Variants in SPOPL observed in about 807,000 individuals in gnomAD.
The protein encoded by SPOPL is speckle type BTB/POZ protein like, also known as speckle-type POZ protein-like.
SPOPL carries 23 observed loss-of-function variants against 53.8 expected under a neutral mutation model. The ratio of observed to expected loss-of-function variants is 0.43; its 90% confidence interval spans 0.31 to 0.61. SPOPL has a LOEUF of 0.61. Among genes scored for constraint, SPOPL ranks in the 20% least tolerant of loss-of-function variants. The pLI is 0.12. For synonymous variants in SPOPL, 164 were observed against 149.7 expected (o/e 1.10, Z -0.70); for missense variants, 442 against 466.9 (o/e 0.95, Z 0.49).
intron 4 of SPOPL, among the ~76,000 whole-genome samples, chr2:138,551,620 G>A (rs1470448393): frequency 6.6e-6 from 1 of 151,998 alleles, no homozygotes; most frequent in Non-Finnish European, 1.5e-5. Flanking sequence ...TGTACGTTGT[G>A]TGTGGCAGGA....
chr2:138,530,396 G>T (rs947638368), intron 1 of SPOPL, among the ~76,000 whole-genome samples: 4 of 152,094 alleles, frequency 2.6e-5, no homozygotes, highest in African/African-American at 9.7e-5. Flanking sequence ...AGGTCTTTGA[G>T]GAATCGCCAC....
intron 1 of SPOPL, among the ~76,000 whole-genome samples, chr2:138,538,737 GT>G: frequency 6.7e-6 from 1 of 149,674 alleles, no homozygotes; most frequent in South Asian, 2.1e-4. Flanking sequence ...CTTCTTAGCT[GT>G]TTTCTTTTTT....
chr2:138,568,808 A>G, intron 10 of SPOPL, 128 bp from the exon 11 acceptor site: 2 of 948,494 alleles, frequency 2.1e-6, no homozygotes, highest in Non-Finnish European at 3.2e-6. Context: ...ATAAAAGCAA[A>G]TGATTTGAAT....
At chr2:138,540,665 A>G (rs1367009315) in intron 1 of SPOPL, among the ~76,000 whole-genome samples, 2 of 152,174 alleles carry the variant, frequency 1.3e-5, no homozygotes, top group Non-Finnish European at 2.9e-5. Flanking sequence ...GGTTTTCTAG[A>G]TATACAATCA....
chr2:138,560,807 T>G lies in SPOPL; in HGVS notation c.717T>G (p.Asn239Lys), dbSNP rs1405523597. Residue 239 changes from asparagine (N) to lysine (K), a missense_variant and splice_region_variant, in exon 8 of 11, where the codon AAT (asparagine) becomes AAG (lysine). By Grantham distance (94) the Asn-to-Lys change is moderately conservative. Coordinates refer to ENST00000280098, the MANE Select transcript of SPOPL (RefSeq NM_001001664.3). ...FEHEMEESKKNRVEINDLDPE... is the reference protein window; with the variant it reads ...FEHEMEESKKKRVEINDLDPE... The stretch of plus-strand genomic sequence containing the variant: ...TTTGTGTTGTTTTTCGATATCAGAA[T>G]CGAGTGGAAATAAATGATTTAGACC... 8.2e-6 allele frequency: 13 copies of G among 1,584,464 alleles called. 1 individual carries two copies. The South Asian group carries it at 1.5e-4, about 19-fold the overall frequency.
chr2:138,564,659 GA>G (rs748025581), intron 8 of SPOPL, 48 bp from the exon 9 acceptor site: 1 of 1,600,516 alleles, frequency 6.2e-7, no homozygotes, highest in Non-Finnish European at 8.5e-7. Flanking sequence ...ATGTATTCAG[GA>G]ACTTAGTTGG....
At chr2:138,545,633 G>A (rs1685177923) in intron 1 of SPOPL, among the ~76,000 whole-genome samples, 1 of 151,696 alleles carries the variant, frequency 6.6e-6, no homozygotes, top group African/African-American at 2.4e-5. Flanking sequence ...CACAGACAGG[G>A]TTTCACCGTG....
intron 1 of SPOPL, among the ~76,000 whole-genome samples, chr2:138,545,244 A>G (rs1445711516): frequency 6.6e-6 from 1 of 152,082 alleles, no homozygotes; most frequent in Non-Finnish European, 1.5e-5. Context: ...CCAGCACCGT[A>G]TACCAGGAAT....
rs77962061 is a variant in SPOPL, at chr2:138,521,565, G to T, written c.-61+19446G>T. 1.2e-3 allele frequency among the ~76,000 whole-genome samples: 178 copies of T among 151,726 alleles called. 1 individual carries two copies. Among genetic ancestry groups the T allele is most frequent in the African/African-American group, 3.8e-3 (156 of 41,390 alleles). ...AGTTTAATTTTTAGTTGTTTTTTTTGTGTGTGTGGGAGAACCCTGGCAGTA... is the reference window on the plus strand; with the variant it reads ...AGTTTAATTTTTAGTTGTTTTTTTTTTGTGTGTGGGAGAACCCTGGCAGTA... On this transcript the variant is annotated intron_variant, in intron 1 of 10. Transcript: ENST00000280098.
intron 10 of SPOPL, among the ~76,000 whole-genome samples, chr2:138,566,098 G>A (rs1174389587): frequency 6.6e-6 from 1 of 152,104 alleles, no homozygotes; most frequent in Non-Finnish European, 1.5e-5. Context: ...GCTTTAATCT[G>A]TTTTGATATA....
intron 1 of SPOPL, among the ~76,000 whole-genome samples, chr2:138,514,504 G>A (rs1057360463): frequency 6.6e-6 from 1 of 152,152 alleles, no homozygotes; most frequent in Admixed American, 6.5e-5. Context: ...TCCTTTCACA[G>A]ATTCAAGCAT....
At chr2:138,565,129 C>A in intron 10 of SPOPL, 136 bp downstream of exon 10, 1 of 1,094,374 alleles carries the variant, frequency 9.1e-7, no homozygotes, top group Non-Finnish European at 1.3e-6. Context: ...TAAAAACAAA[C>A]AAAGACTACT....
In SPOPL at chr2:138,525,938, G is replaced by A. The variant is rs562054232; in HGVS notation, c.-61+23819G>A. On this transcript the variant is annotated intron_variant, in intron 1 of 10. Transcript: ENST00000280098. ...TCTCACCTTCACTCCCAGTTTTATT[G>A]TGCTTGCTTTTACTTGTGTTAGTGA... Among the ~76,000 whole-genome samples the A allele has an allele frequency of 4.4e-3, 662 of 151,460 alleles. 3 individuals are homozygous for A. The highest frequency in any genetic ancestry group is 0.015 in the African/African-American group (627 of 41,330).
intron 1 of SPOPL, among the ~76,000 whole-genome samples, chr2:138,531,507 A>C (rs1414347903): frequency 6.6e-6 from 1 of 152,066 alleles, no homozygotes; most frequent in Non-Finnish European, 1.5e-5. Context: ...TTACCTCTTC[A>C]AATATTGCTT....
At chr2:138,554,272 A>G (rs1160836598) in intron 5 of SPOPL, among the ~76,000 whole-genome samples, 2 of 152,076 alleles carry the variant, frequency 1.3e-5, no homozygotes, top group African/African-American at 2.4e-5. Context: ...GTTGGCATCA[A>G]TCAGATTCAT....
intron 10 of SPOPL, among the ~76,000 whole-genome samples, chr2:138,567,177 G>A (rs1685678511): frequency 6.6e-6 from 1 of 152,148 alleles, no homozygotes; most frequent in Non-Finnish European, 1.5e-5. Flanking sequence ...AAAGCGTGAT[G>A]ATAGGGAATA....
chr2:138,568,028 A>G (rs980631725), intron 10 of SPOPL, among the ~76,000 whole-genome samples: 5 of 152,124 alleles, frequency 3.3e-5, no homozygotes, highest in African/African-American at 1.2e-4. Flanking sequence ...ACATAATATG[A>G]TGCTGTATTT....
chr2:138,521,927 G>T (rs754935706), intron 1 of SPOPL, among the ~76,000 whole-genome samples: 6 of 152,138 alleles, frequency 3.9e-5, no homozygotes, highest in Non-Finnish European at 8.8e-5. Flanking sequence ...CTGGGGGAAT[G>T]ATGATGAGTT....
chr2:138,539,777 G>T (rs939677430), intron 1 of SPOPL, among the ~76,000 whole-genome samples: 2 of 152,096 alleles, frequency 1.3e-5, no homozygotes, highest in Non-Finnish European at 2.9e-5. Context: ...TGTCAATTTT[G>T]TCTTTGTTGC....
Sources: allele counts gnomAD v4.1 joint callset (sites outside exome capture counted in the v4.1 genomes callset), GRCh38; gene constraint gnomAD v4.1.1; transcripts MANE v1.5; gene names NCBI Gene and HGNC (gene_info 2026-07-23, HGNC 2026-07-21).